The following PTPRD variants were observed in gnomAD, a reference collection of about 807,000 sequenced individuals.
The protein encoded by PTPRD is protein tyrosine phosphatase receptor type D.
A neutral mutation model predicts 214.5 loss-of-function variants in PTPRD; 34 were observed. The observed-to-expected ratio is 0.16, with a 90% confidence interval of 0.12 to 0.21. The LOEUF is 0.21. PTPRD is among the 10% of genes least tolerant of loss of function. The pLI is 1.00. For missense variants in PTPRD, 2,545 were observed against 2,398.7 expected, an observed-to-expected ratio of 1.06 and a Z score of -1.27; for synonymous variants, 1,128 against 845.7, an observed-to-expected ratio of 1.33 and a Z score of -5.79.
At chr9:8,675,529 A>C in intron 12 of PTPRD, among the ~76,000 whole-genome samples, 1 of 85,326 alleles carries the variant, frequency 1.2e-5, no homozygotes, top group Non-Finnish European at 2.3e-5. Context: ...ATACACACAC[A>C]CACACACACA....
intron 6 of PTPRD, among the ~76,000 whole-genome samples, chr9:9,760,651 CACATAT>C (rs777453435): frequency 3.6e-4 from 26 of 71,574 alleles, no homozygotes; most frequent in African/African-American, 6.3e-4. Context: ...CACACACACA[CACATAT>C]ATATATATAT....
intron 2 of PTPRD, among the ~76,000 whole-genome samples, chr9:10,440,585 G>C (rs2098752066): frequency 6.6e-6 from 1 of 151,738 alleles, no homozygotes; most frequent in African/African-American, 2.4e-5. Context: ...AGGCGCTGGT[G>C]AGAAGGGGTT....
At chr9:9,925,246 A>T (rs1228659468) in intron 5 of PTPRD, among the ~76,000 whole-genome samples, 4 of 152,128 alleles carry the variant, frequency 2.6e-5, no homozygotes, top group Non-Finnish European at 5.9e-5. Context: ...AAAATGTGAG[A>T]AAGTTCTTAT....
intron 9 of PTPRD, among the ~76,000 whole-genome samples, chr9:9,257,274 G>C (rs1406244222): frequency 6.6e-6 from 1 of 151,738 alleles, no homozygotes; most frequent in Non-Finnish European, 1.5e-5. Context: ...TCTTTATATG[G>C]CTAATGATTT....
intron 11 of PTPRD, among the ~76,000 whole-genome samples, chr9:8,735,820 G>A (rs1021457321): frequency 1.3e-5 from 2 of 150,018 alleles, no homozygotes; most frequent in South Asian, 2.1e-4. Context: ...GCTGAGGCAG[G>A]AGAATCACTT....
chr9:9,492,383 A>G (rs967817005), intron 8 of PTPRD, among the ~76,000 whole-genome samples: 2 of 152,090 alleles, frequency 1.3e-5, no homozygotes, highest in African/African-American at 4.8e-5. Flanking sequence ...AATGAAGAGG[A>G]AAAAACACTT....
intron 7 of PTPRD, among the ~76,000 whole-genome samples, chr9:9,596,297 T>C (rs1430735413): frequency 6.6e-6 from 1 of 151,984 alleles, no homozygotes; most frequent in Non-Finnish European, 1.5e-5. Flanking sequence ...TCCTGAAGAA[T>C]AGTAATTCTT....
intron 7 of PTPRD, among the ~76,000 whole-genome samples, chr9:9,580,135 T>TA (rs1366550906): frequency 6.6e-6 from 1 of 152,178 alleles, no homozygotes; most frequent in Non-Finnish European, 1.5e-5. Context: ...GGTTATTTCA[T>TA]AACTTTGCTA....
chr9:10,426,617 A>T (rs549986657), intron 2 of PTPRD, among the ~76,000 whole-genome samples: 33 of 152,200 alleles, frequency 2.2e-4, no homozygotes, highest in Non-Finnish European at 4.6e-4. Context: ...TCACACTGAC[A>T]AAGAGATGTT....
At chr9:9,832,881 C>G (rs539521285) in intron 5 of PTPRD, among the ~76,000 whole-genome samples, 2 of 144,772 alleles carry the variant, frequency 1.4e-5, no homozygotes, top group Non-Finnish European at 3.0e-5. Context: ...GAATGGGAAG[C>G]TTTTTTTCTA....
chr9:10,267,741 T>C (rs1265536423), intron 3 of PTPRD, among the ~76,000 whole-genome samples: 1 of 152,160 alleles, frequency 6.6e-6, no homozygotes, highest in Non-Finnish European at 1.5e-5. Flanking sequence ...AAATGTTCAT[T>C]AAAGTCTTAT....
At chr9:10,501,879 A>T (rs2133253560) in intron 2 of PTPRD, among the ~76,000 whole-genome samples, 1 of 152,066 alleles carries the variant, frequency 6.6e-6, no homozygotes, top group East Asian at 1.9e-4. Context: ...TCACACAAGG[A>T]GTATTAAAAA....
At chr9:9,414,178 G>A (rs2076330968) in intron 8 of PTPRD, among the ~76,000 whole-genome samples, 1 of 152,182 alleles carries the variant, frequency 6.6e-6, no homozygotes, top group Non-Finnish European at 1.5e-5. Flanking sequence ...CTGAGTGCCT[G>A]AAAGGCAATA....
intron 44 of PTPRD, among the ~76,000 whole-genome samples, chr9:8,329,326 TG>T (rs1837277181): frequency 6.6e-6 from 1 of 152,160 alleles, no homozygotes; most frequent in Non-Finnish European, 1.5e-5. Context: ...GCTGTTTGCC[TG>T]GGTATTATCA....
chr9:9,402,174 A>G (rs779236589), intron 8 of PTPRD, among the ~76,000 whole-genome samples: 23 of 152,158 alleles, frequency 1.5e-4, no homozygotes, highest in Non-Finnish European at 2.9e-4. Flanking sequence ...CTGGAATAAA[A>G]TATGACAAAT....
chr9:9,824,683 T>C (rs898449529), intron 5 of PTPRD, among the ~76,000 whole-genome samples: 1 of 152,010 alleles, frequency 6.6e-6, no homozygotes, highest in African/African-American at 2.4e-5. Context: ...CATGTTTTTA[T>C]TGTTAGGAAT....
intron 4 of PTPRD, among the ~76,000 whole-genome samples, chr9:10,007,280 C>G (rs2096499481): frequency 6.6e-6 from 1 of 151,670 alleles, no homozygotes; most frequent in Admixed American, 6.6e-5. Flanking sequence ...AAAAATAGAT[C>G]AGAGGAAAAA....
At chr9:8,447,730 C>T (rs931060656) in intron 34 of PTPRD, among the ~76,000 whole-genome samples, 1 of 152,050 alleles carries the variant, frequency 6.6e-6, no homozygotes, top group Non-Finnish European at 1.5e-5. Context: ...TTTGGGGGTA[C>T]CCTTGCCTTT....
At chr9:10,192,445 GAAAAAAAAAA>G (rs552289562) in intron 3 of PTPRD, among the ~76,000 whole-genome samples, 1 of 72,646 alleles carries the variant, frequency 1.4e-5, no homozygotes. Context: ...CACGATCCAG[GAAAAAAAAAA>G]AAAAAAAAAA....
Sources: allele counts gnomAD v4.1 joint callset (sites outside exome capture counted in the v4.1 genomes callset), GRCh38; gene constraint gnomAD v4.1.1; transcripts MANE v1.5; gene names NCBI Gene and HGNC (gene_info 2026-07-23, HGNC 2026-07-21).